Variants in ADCY8 observed in about 807,000 individuals in gnomAD.
ADCY8 encodes the protein adenylate cyclase 8.
A neutral mutation model predicts 119.7 loss-of-function variants in ADCY8; 51 were observed. That is an observed-to-expected ratio of 0.43 (90% CI 0.34 to 0.54). The LOEUF is 0.54. ADCY8 is among the 20% of genes least tolerant of loss of function. ADCY8 has a pLI of 0.03. For synonymous variants in ADCY8, 665 were observed against 651.0 expected, an observed-to-expected ratio of 1.02 and a Z score of -0.33; for missense variants, 1,383 against 1,598.8, an observed-to-expected ratio of 0.87 and a Z score of 2.30.
chr8:130,905,314 A>G (rs1819745327), intron 6 of ADCY8, among the ~76,000 whole-genome samples: 2 of 152,128 alleles, frequency 1.3e-5, no homozygotes, highest in Admixed American at 1.3e-4. Flanking sequence ...TGGCTCTGTC[A>G]CTTCAAAGCT....
intron 1 of ADCY8, among the ~76,000 whole-genome samples, chr8:131,032,783 T>A (rs1824034929): frequency 6.6e-6 from 1 of 152,156 alleles, no homozygotes; most frequent in African/African-American, 2.4e-5. Context: ...AGTGTGTAAA[T>A]CCAATTACAT....
chr8:130,943,523 T>C, intron 3 of ADCY8, 61 bp from the exon 4 acceptor site: 1 of 1,038,218 alleles, frequency 9.6e-7, no homozygotes, highest in Admixed American at 1.9e-5. Flanking sequence ...TTAGTCCATC[T>C]TGGGATACAC....
intron 1 of ADCY8, among the ~76,000 whole-genome samples, chr8:131,038,306 C>T (rs1824228214): frequency 6.6e-6 from 1 of 152,210 alleles, no homozygotes; most frequent in Non-Finnish European, 1.5e-5. Flanking sequence ...AGGCTAACGA[C>T]AGAGCAGGCC....
At chr8:131,032,128 G>T (rs1265346956) in intron 1 of ADCY8, among the ~76,000 whole-genome samples, 2 of 152,090 alleles carry the variant, frequency 1.3e-5, no homozygotes, top group African/African-American at 4.8e-5. Context: ...TTTTACACTG[G>T]CACTGTAGAT....
At chr8:130,959,334 A>G (rs1026695385) in intron 2 of ADCY8, among the ~76,000 whole-genome samples, 2 of 152,144 alleles carry the variant, frequency 1.3e-5, no homozygotes, top group Non-Finnish European at 2.9e-5. Flanking sequence ...TTACAGGAAA[A>G]ATGGGTGAGT....
intron 11 of ADCY8, among the ~76,000 whole-genome samples, chr8:130,847,051 C>G (rs931069310): frequency 6.6e-6 from 1 of 150,710 alleles, no homozygotes; most frequent in Non-Finnish European, 1.5e-5. Context: ...ACAGTGCATT[C>G]TGCTACAGGA....
intron 17 of ADCY8, among the ~76,000 whole-genome samples, chr8:130,783,293 A>G (rs145637874): frequency 2.0e-5 from 3 of 152,320 alleles, no homozygotes; most frequent in Non-Finnish European, 4.4e-5. Context: ...GTCTGAAGGA[A>G]TTATCCTGAA....
chr8:130,806,973 C>T (rs1165781387), intron 14 of ADCY8, among the ~76,000 whole-genome samples: 1 of 152,122 alleles, frequency 6.6e-6, no homozygotes, highest in Admixed American at 6.5e-5. Context: ...TTGAGTGTGC[C>T]ATCTGTTTCT....
chr8:131,011,938 C>G (rs1025572727), intron 1 of ADCY8, among the ~76,000 whole-genome samples: 14 of 152,108 alleles, frequency 9.2e-5, no homozygotes, highest in Non-Finnish European at 1.5e-4. Flanking sequence ...TCAAAGGCCT[C>G]TAAATGGTGC....
chr8:130,952,117 A>C, intron 2 of ADCY8, 119 bp from the exon 3 acceptor site: 14 of 1,113,742 alleles, frequency 1.3e-5, no homozygotes, highest in Non-Finnish European at 1.8e-5. Context: ...TGCTAATTTC[A>C]TACCATTCTA....
At chr8:130,868,940 C>T (rs1486369545) in intron 8 of ADCY8, among the ~76,000 whole-genome samples, 1 of 152,146 alleles carries the variant, frequency 6.6e-6, no homozygotes, top group East Asian at 1.9e-4. Context: ...TCAGTCAGGT[C>T]AAGAAATAAT....
chr8:130,895,728 C>A (rs1311279830), intron 7 of ADCY8, among the ~76,000 whole-genome samples: 1 of 151,984 alleles, frequency 6.6e-6, no homozygotes, highest in East Asian at 1.9e-4. Context: ...GTTCTTGACC[C>A]TAAGTCTGCA....
intron 15 of ADCY8, among the ~76,000 whole-genome samples, chr8:130,793,189 C>A (rs560593895): frequency 2.4e-4 from 36 of 152,274 alleles, no homozygotes; most frequent in African/African-American, 8.4e-4. Context: ...GCCATGCCCC[C>A]CAAGCTGTTT....
intron 12 of ADCY8, among the ~76,000 whole-genome samples, chr8:130,827,295 G>T (rs1392076689): frequency 6.6e-6 from 1 of 152,162 alleles, no homozygotes; most frequent in South Asian, 2.1e-4. Flanking sequence ...CTGGCAAGTT[G>T]TGCCAATCAT....
intron 2 of ADCY8, among the ~76,000 whole-genome samples, chr8:130,980,488 T>C (rs1350761942): frequency 3.3e-5 from 5 of 152,110 alleles, no homozygotes; most frequent in African/African-American, 9.6e-5. Context: ...TTAGAAACGT[T>C]GGAAAAAAAT....
intron 1 of ADCY8, among the ~76,000 whole-genome samples, chr8:131,021,388 G>T (rs954743237): frequency 6.6e-4 from 100 of 152,124 alleles, no homozygotes; most frequent in African/African-American, 2.4e-3. Context: ...GATGGCTAAA[G>T]GATGTAGGGT....
intron 2 of ADCY8, among the ~76,000 whole-genome samples, chr8:130,983,424 T>C (rs1459883737): frequency 6.6e-6 from 1 of 152,142 alleles, no homozygotes; most frequent in East Asian, 1.9e-4. Flanking sequence ...AGTCTGTTGA[T>C]GAGATCCATA....
chr8:130,954,686 T>G (rs1009697722), intron 2 of ADCY8, among the ~76,000 whole-genome samples: 8 of 152,210 alleles, frequency 5.3e-5, no homozygotes, highest in African/African-American at 1.9e-4. Context: ...AACAAACACA[T>G]GGTTATAGTA....
intron 8 of ADCY8, among the ~76,000 whole-genome samples, chr8:130,878,359 A>G (rs559292594): frequency 4.3e-4 from 65 of 152,336 alleles, no homozygotes; most frequent in African/African-American, 1.4e-3. Flanking sequence ...TTCTATTTCC[A>G]AAGTGGGACT....
Sources: allele counts gnomAD v4.1 joint callset (sites outside exome capture counted in the v4.1 genomes callset), GRCh38; gene constraint gnomAD v4.1.1; transcripts MANE v1.5; gene names NCBI Gene and HGNC (gene_info 2026-07-23, HGNC 2026-07-21).